Variants in MBD5 observed in about 807,000 individuals in gnomAD.
MBD5 encodes the protein methyl-CpG binding domain protein 5, also known as methyl-CpG-binding domain protein 5.
In MBD5, 13 loss-of-function variants were observed where a neutral mutation model predicts 117.3. The observed-to-expected ratio is 0.11, with a 90% CI of 0.07 to 0.18. The LOEUF is 0.18. Ranked by LOEUF, MBD5 falls within the 10% of genes least tolerant of loss-of-function variation. The pLI is 1.00. For synonymous variants in MBD5, 727 were observed against 766.4 expected (o/e 0.95, Z 0.85); for missense variants, 1,879 against 2,093.8 (o/e 0.90, Z 2.00).
At chr2:148,075,738 G>A (rs146080503) in intron 1 of MBD5, among the ~76,000 whole-genome samples, 9 of 151,562 alleles carry the variant, frequency 5.9e-5, no homozygotes, top group East Asian at 1.9e-4. Flanking sequence ...ATCTATAGGC[G>A]TCTCACTCAG....
intron 1 of MBD5, among the ~76,000 whole-genome samples, chr2:148,136,765 ATTT>A (rs879310208): frequency 6.8e-6 from 1 of 146,274 alleles, no homozygotes. Flanking sequence ...CAGTTTATTA[ATTT>A]TTTTTTTTTT....
intron 1 of MBD5, among the ~76,000 whole-genome samples, chr2:148,075,474 T>A (rs188469608): frequency 6.6e-6 from 1 of 152,312 alleles, no homozygotes; most frequent in Admixed American, 6.5e-5. Flanking sequence ...ACTTTTTTCA[T>A]CCGTAAATAT....
intron 3 of MBD5, among the ~76,000 whole-genome samples, chr2:148,318,666 G>C (rs185723881): frequency 1.4e-4 from 22 of 152,092 alleles, no homozygotes; most frequent in African/African-American, 5.1e-4. Flanking sequence ...TTACGCATAT[G>C]GCTATCCAAT....
chr2:148,306,653 A>AAC (rs1252488815), intron 3 of MBD5, among the ~76,000 whole-genome samples: 1 of 152,216 alleles, frequency 6.6e-6, no homozygotes, highest in East Asian at 1.9e-4. Context: ...CAAAACAACA[A>AAC]AGAACCAGCA....
intron 1 of MBD5, among the ~76,000 whole-genome samples, chr2:148,159,344 G>T (rs758929014): frequency 3.3e-5 from 5 of 151,978 alleles, no homozygotes; most frequent in Non-Finnish European, 7.4e-5. Context: ...TTGAGACAAG[G>T]TTTCACTCTG....
At chr2:148,079,631 G>A (rs1306185584) in intron 1 of MBD5, among the ~76,000 whole-genome samples, 1 of 151,698 alleles carries the variant, frequency 6.6e-6, no homozygotes, top group East Asian at 2.0e-4. Context: ...GGCCTAGGCG[G>A]GTGGATCACA....
intron 4 of MBD5, among the ~76,000 whole-genome samples, chr2:148,354,584 AT>A (rs1275436324): frequency 1.3e-5 from 2 of 152,196 alleles, no homozygotes; most frequent in African/African-American, 4.8e-5. Context: ...ATACATGTAC[AT>A]GTGTCTTTAT....
At chr2:148,158,172 A>G (rs1057430347) in intron 1 of MBD5, among the ~76,000 whole-genome samples, 21 of 152,222 alleles carry the variant, frequency 1.4e-4, no homozygotes, top group Non-Finnish European at 2.6e-4. Flanking sequence ...ATTATATATG[A>G]TCCATCATAT....
At chr2:148,442,627 A>G (rs1307706982) in intron 4 of MBD5, among the ~76,000 whole-genome samples, 2 of 151,376 alleles carry the variant, frequency 1.3e-5, no homozygotes, top group African/African-American at 4.9e-5. Context: ...ACAACTCTAG[A>G]ACAGAAAAAA....
At chr2:148,055,483 A>G (rs1694832427) in intron 1 of MBD5, 1 of 149,278 alleles carries the variant, frequency 6.7e-6, no homozygotes, top group South Asian at 2.1e-4. Flanking sequence ...GCTGGAGTGC[A>G]GGAGTGCAGT....
chr2:148,405,449 G>C (rs147385160), intron 4 of MBD5, among the ~76,000 whole-genome samples: 2 of 152,158 alleles, frequency 1.3e-5, no homozygotes, highest in African/African-American at 2.4e-5. Context: ...AGCAGTTATC[G>C]GAAGAGCTGG....
At chr2:148,423,200 C>G (rs1705665996) in intron 4 of MBD5, among the ~76,000 whole-genome samples, 1 of 151,992 alleles carries the variant, frequency 6.6e-6, no homozygotes, top group Non-Finnish European at 1.5e-5. Flanking sequence ...GGTTACCCAC[C>G]AAAGGGAAGC....
intron 4 of MBD5, among the ~76,000 whole-genome samples, chr2:148,416,854 A>G (rs1020332331): frequency 3.3e-5 from 5 of 152,186 alleles, no homozygotes; most frequent in African/African-American, 1.2e-4. Flanking sequence ...CCCACTTAAA[A>G]GTGAGAATGT....
At chr2:148,303,414 C>A (rs1219616930) in intron 3 of MBD5, among the ~76,000 whole-genome samples, 1 of 152,150 alleles carries the variant, frequency 6.6e-6, no homozygotes, top group Non-Finnish European at 1.5e-5. Context: ...AACAGCACAG[C>A]AGGGAGCAAG....
At chr2:148,023,963 C>T (rs1693834536) in intron 1 of MBD5, among the ~76,000 whole-genome samples, 1 of 152,044 alleles carries the variant, frequency 6.6e-6, no homozygotes, top group Non-Finnish European at 1.5e-5. Context: ...CTTTATCCAA[C>T]TCTACCTATT....
intron 4 of MBD5, among the ~76,000 whole-genome samples, chr2:148,372,243 A>G (rs1426745990): frequency 2.0e-5 from 3 of 152,126 alleles, no homozygotes; most frequent in Non-Finnish European, 4.4e-5. Context: ...TTACCAATAC[A>G]CTGAATGACT....
chr2:148,052,703 A>T (rs1694749792), intron 1 of MBD5, among the ~76,000 whole-genome samples: 1 of 151,922 alleles, frequency 6.6e-6, no homozygotes, highest in Non-Finnish European at 1.5e-5. Flanking sequence ...ATATTCATGA[A>T]TTTTCCAAAT....
At chr2:148,209,650 AAG>A (rs945553667) in intron 2 of MBD5, among the ~76,000 whole-genome samples, 60 of 152,226 alleles carry the variant, frequency 3.9e-4, no homozygotes, top group African/African-American at 1.4e-3. Flanking sequence ...ATAAAGGAAA[AAG>A]ATTTAATTGG....
intron 1 of MBD5, among the ~76,000 whole-genome samples, chr2:148,029,981 A>G (rs903230550): frequency 6.6e-6 from 1 of 152,176 alleles, no homozygotes; most frequent in African/African-American, 2.4e-5. Context: ...AGTAATATAA[A>G]AAGTTAGGGG....
Sources: allele counts gnomAD v4.1 joint callset (sites outside exome capture counted in the v4.1 genomes callset), GRCh38; gene constraint gnomAD v4.1.1; transcripts MANE v1.5; gene names NCBI Gene and HGNC (gene_info 2026-07-23, HGNC 2026-07-21).